The following OIT3 variants were observed in gnomAD, a reference collection of about 807,000 sequenced individuals.
OIT3 encodes the protein oncoprotein-induced transcript 3 protein.
A neutral mutation model predicts 52.2 loss-of-function variants in OIT3; 41 were observed. That is an observed-to-expected ratio of 0.79 (90% CI 0.61 to 1.02). The LOEUF is 1.02. Ranked by LOEUF, OIT3 falls within the 50% of genes least tolerant of loss-of-function variation. The pLI, the probability that OIT3 is intolerant of heterozygous loss-of-function variation, is 0.00. For synonymous variants in OIT3, 244 were observed against 276.9 expected, an observed-to-expected ratio of 0.88 and a Z score of 1.18; for missense variants, 634 against 715.5, an observed-to-expected ratio of 0.89 and a Z score of 1.30.
At chr10:72,927,771 C>T (rs1033281301) in intron 7 of OIT3, among the ~76,000 whole-genome samples, 8 of 152,092 alleles carry the variant, frequency 5.3e-5, no homozygotes, top group Non-Finnish European at 1.0e-4. Context: ...TCTGACTTTG[C>T]GCATGCTGTT....
chr10:72,902,694 C>T (rs966183027), intron 3 of OIT3, among the ~76,000 whole-genome samples: 16 of 152,166 alleles, frequency 1.1e-4, no homozygotes, highest in African/African-American at 3.9e-4. Context: ...TCTTACATGG[C>T]AGCAGGCAAG....
chr10:72,899,952 CTA>C (rs1209267465), intron 2 of OIT3, among the ~76,000 whole-genome samples: 4 of 152,166 alleles, frequency 2.6e-5, no homozygotes, highest in Non-Finnish European at 5.9e-5. Flanking sequence ...CTTTCTTAGT[CTA>C]TAGCTCTTGT....
intron 6 of OIT3, among the ~76,000 whole-genome samples, chr10:72,919,200 CT>C (rs1288922067): frequency 1.3e-5 from 2 of 151,948 alleles, no homozygotes; most frequent in Non-Finnish European, 2.9e-5. Context: ...TTATTTTATT[CT>C]TTTCGTGGCA....
chr10:72,902,618 C>T (rs1262557327), intron 3 of OIT3, among the ~76,000 whole-genome samples: 2 of 152,204 alleles, frequency 1.3e-5, no homozygotes, highest in African/African-American at 4.8e-5. Context: ...GTAATTGACT[C>T]ACCCTTCCAC....
chr10:72,908,072 G>T (rs546776217), intron 4 of OIT3, among the ~76,000 whole-genome samples: 2 of 152,082 alleles, frequency 1.3e-5, no homozygotes, highest in South Asian at 4.2e-4. Flanking sequence ...GTAAAACCCC[G>T]TCTCTATTAA....
rs1845898719 is a variant in OIT3, at chr10:72,898,707, G to A, written c.105G>A (p.Trp35Ter). The part of the protein sequence containing the change: ...CSAYISLNEP[W>*]RNTDHQLDES... ...CTTACATCAGCCTGAATGAGCCCTG[G>A]AGGAACACTGACCACCAGTTGGATG... The change falls in exon 2 of 9, where the codon TGG (tryptophan) becomes TGA (stop). Residue 35 changes from tryptophan (W) to a stop codon, truncating the protein, a stop_gained. Transcript: ENST00000334011. LOFTEE classifies it high-confidence loss of function. The A allele has an allele frequency of 1.2e-6, 2 of 1,614,064 alleles. No homozygotes were observed. The highest frequency in any genetic ancestry group is 1.7e-6 in the Non-Finnish European group (2 of 1,179,972).
intron 3 of OIT3, 72 bp from the exon 4 acceptor site, chr10:72,906,524 A>G (rs775923223): frequency 1.3e-5 from 20 of 1,582,152 alleles, no homozygotes; most frequent in African/African-American, 8.1e-5. Flanking sequence ...AGATGTGGAA[A>G]TTCTGCCCGG....
At chr10:72,904,963 T>G (rs1589522417) in intron 3 of OIT3, among the ~76,000 whole-genome samples, 1 of 151,982 alleles carries the variant, frequency 6.6e-6, no homozygotes, top group South Asian at 2.1e-4. Flanking sequence ...TGGAGGAAGG[T>G]GAAGGGTGCT....
intron 4 of OIT3, among the ~76,000 whole-genome samples, chr10:72,908,432 A>G (rs894762563): frequency 6.6e-6 from 1 of 152,214 alleles, no homozygotes; most frequent in Non-Finnish European, 1.5e-5. Flanking sequence ...TTCTAGCAAT[A>G]TTCAAAATAA....
intron 3 of OIT3, among the ~76,000 whole-genome samples, chr10:72,901,127 A>G (rs1241457332): frequency 6.6e-6 from 1 of 152,150 alleles, no homozygotes; most frequent in East Asian, 1.9e-4. Flanking sequence ...TATTTTGCAT[A>G]TAATTGGGTT....
intron 6 of OIT3, among the ~76,000 whole-genome samples, chr10:72,920,488 G>T (rs2132944281): frequency 6.6e-6 from 1 of 152,148 alleles, no homozygotes; most frequent in Non-Finnish European, 1.5e-5. Context: ...GGATTTGTTT[G>T]CTCTTGGTTC....
intron 1 of OIT3, among the ~76,000 whole-genome samples, chr10:72,896,981 G>T (rs1268326579): frequency 6.6e-6 from 1 of 152,066 alleles, no homozygotes; most frequent in Non-Finnish European, 1.5e-5. Flanking sequence ...TGGAGATATT[G>T]GTTCTTTAGT....
intron 6 of OIT3, among the ~76,000 whole-genome samples, chr10:72,920,976 CT>C (rs1386361674): frequency 6.6e-6 from 1 of 152,118 alleles, no homozygotes; most frequent in Non-Finnish European, 1.5e-5. Flanking sequence ...TCCTAAATAT[CT>C]TTGTTAATTT....
intron 6 of OIT3, among the ~76,000 whole-genome samples, chr10:72,915,534 T>G (rs1846065125): frequency 6.6e-6 from 1 of 152,210 alleles, no homozygotes; most frequent in South Asian, 2.1e-4. Context: ...AGATACCTTA[T>G]TTAACATACA....
Position 72,924,422 on chromosome 10 carries a change from G to T in OIT3, c.1145G>T (p.Arg382Leu), listed in dbSNP as rs144661264. The change falls in exon 7 of 9, where the codon CGA (arginine) becomes CTA (leucine). Residue 382 changes from arginine to leucine, a missense_variant. Arg to Leu is a moderately radical substitution (Grantham distance 102). Transcript: ENST00000334011. The part of the protein sequence containing the change: ...LRNSPLEIMS[R>L]NHGIFPFTLE... ...AACTCCCCACTGGAAATCATGAGCC[G>T]AAATCATGGGATCTTCCCATTCACT... The T allele has an allele frequency of 6.2e-7, 1 of 1,613,926 alleles. No individual in the cohort carries two copies. The highest frequency in any genetic ancestry group is 8.5e-7 in the Non-Finnish European group (1 of 1,179,940).
In OIT3 at chr10:72,924,376, G is replaced by A. The variant is rs1189377325; in HGVS notation, c.1099G>A (p.Gly367Arg). Residue 367 changes from glycine (G) to arginine (R), a missense_variant, in exon 7 of 9, where the codon GGA (glycine) becomes AGA (arginine). Transcript: ENST00000334011. ...EFPRLYTISE[G>R]YVPNLRNSPL... Reference sequence around the variant, plus strand: ...TCCACGCCTGTACACCATTTCTGAAGGATACGTTCCCAACCTTCGAAACTC... The same window carrying A: ...TCCACGCCTGTACACCATTTCTGAAAGATACGTTCCCAACCTTCGAAACTC... The A allele has an allele frequency of 1.9e-6, 3 of 1,613,970 alleles. No homozygotes were observed. Among genetic ancestry groups the A allele is most frequent in the Non-Finnish European group, 2.5e-6 (3 of 1,180,010 alleles).
At chr10:72,910,746 C>T (rs1247426498) in intron 4 of OIT3, among the ~76,000 whole-genome samples, 1 of 152,150 alleles carries the variant, frequency 6.6e-6, no homozygotes, top group African/African-American at 2.4e-5. Context: ...TTACTTTAAC[C>T]TAGAACAGGG....
At position 72,932,706 on chromosome 10, in the gene OIT3, G is replaced by C. The variant is rs926669421; in HGVS notation, c.*182G>C. On this transcript the variant is annotated 3_prime_UTR_variant, in exon 9 of 9. Transcript: ENST00000334011. Reference sequence around the variant, plus strand: ...AGTGGGCACAGGTCACAGCACTGCTGAACAATGTGGCCTGGGTGGGGTTTC... The same window carrying C: ...AGTGGGCACAGGTCACAGCACTGCTCAACAATGTGGCCTGGGTGGGGTTTC... 17 of 537,238 alleles carry C rather than the reference G, an allele frequency of 3.2e-5. No individual in the cohort carries two copies. In the African/African-American group the frequency reaches 3.3e-4, roughly 10 times the overall value. 33.3% of individuals were successfully genotyped at this position (537,238 alleles called of 1,614,324 possible). A position where few individuals can be genotyped will look rare whatever the true frequency, so the allele number is the denominator to read the frequency against.
At chr10:72,917,019 G>GT (rs899337181) in intron 6 of OIT3, among the ~76,000 whole-genome samples, 6 of 151,712 alleles carry the variant, frequency 4.0e-5, no homozygotes, top group South Asian at 2.1e-4. Context: ...ACGTTTTAAT[G>GT]TTTTTTTCTT....
Sources: gnomAD v4.1 joint callset for allele counts (sites outside exome capture counted in the v4.1 genomes callset) on GRCh38, gnomAD v4.1.1 for gene constraint, MANE v1.5 for transcripts, NCBI Gene and HGNC (gene_info 2026-07-23, HGNC 2026-07-21) for gene names.